SLC4A4: variants seen among roughly 807,000 people sequenced by gnomAD.
SLC4A4 encodes the protein electrogenic sodium bicarbonate cotransporter 1.
Under a neutral mutation model 111.5 loss-of-function variants are expected in SLC4A4, and 27 were observed. That is an observed-to-expected ratio of 0.24 (90% CI 0.18 to 0.33). The LOEUF is 0.33. Ranked by LOEUF, SLC4A4 falls within the 10% of genes least tolerant of loss-of-function variation. The pLI is 1.00. For missense variants in SLC4A4, 909 were observed against 1,315.5 expected (o/e 0.69, Z 4.78); for synonymous variants, 443 against 463.4 (o/e 0.96, Z 0.57).
chr4:71,544,333 G>T (rs1316429490), intron 18 of SLC4A4, among the ~76,000 whole-genome samples: 1 of 151,970 alleles, frequency 6.6e-6, no homozygotes, highest in Non-Finnish European at 1.5e-5. Flanking sequence ...GGTAGAAGAG[G>T]CTATGTTGGC....
At chr4:71,094,433 G>T (rs77835493) in intron 2 of SLC4A4, among the ~76,000 whole-genome samples, 4,899 of 92,834 alleles carry the variant, frequency 0.053, 231 homozygotes, top group African/African-American at 0.16. Context: ...TTATAAATAG[G>T]CCTCCTGCTT....
intron 3 of SLC4A4, among the ~76,000 whole-genome samples, chr4:71,270,254 A>AT (rs1301890578): frequency 6.6e-6 from 1 of 151,920 alleles, no homozygotes; most frequent in Non-Finnish European, 1.5e-5. Context: ...TGCCTGGCTA[A>AT]TTTTTTTGTA....
intron 2 of SLC4A4, among the ~76,000 whole-genome samples, chr4:71,107,065 AT>A (rs976560991): frequency 7.3e-5 from 11 of 151,248 alleles, no homozygotes; most frequent in African/African-American, 2.7e-4. Flanking sequence ...TGCATGGAAT[AT>A]TTTTTTTATC....
intron 18 of SLC4A4, among the ~76,000 whole-genome samples, chr4:71,541,997 C>T (rs1188971763): frequency 6.6e-6 from 1 of 152,066 alleles, no homozygotes; most frequent in African/African-American, 2.4e-5. Flanking sequence ...AAAGGGACAT[C>T]TTAGAAGTGG....
chr4:71,238,771 G>A (rs1362723589), intron 2 of SLC4A4, among the ~76,000 whole-genome samples: 1 of 152,002 alleles, frequency 6.6e-6, no homozygotes, highest in Non-Finnish European at 1.5e-5. Flanking sequence ...TTTTAATTTG[G>A]TGTTCTCCCA....
At chr4:71,344,232 G>A (rs1729132524) in intron 4 of SLC4A4, among the ~76,000 whole-genome samples, 1 of 152,170 alleles carries the variant, frequency 6.6e-6, no homozygotes, top group African/African-American at 2.4e-5. Flanking sequence ...TAGAATCAAT[G>A]AATAGAGAAA....
At chr4:71,294,928 C>A (rs970322485) in intron 3 of SLC4A4, among the ~76,000 whole-genome samples, 6 of 152,132 alleles carry the variant, frequency 3.9e-5, no homozygotes, top group Non-Finnish European at 8.8e-5. Context: ...GACAAAAATC[C>A]AATCTTACTC....
intron 1 of SLC4A4, among the ~76,000 whole-genome samples, chr4:71,090,950 T>G (rs1317334463): frequency 6.6e-6 from 1 of 152,114 alleles, no homozygotes; most frequent in Non-Finnish European, 1.5e-5. Context: ...GTTTGTTTGT[T>G]TTTCTTTTCT....
intron 16 of SLC4A4, among the ~76,000 whole-genome samples, chr4:71,499,230 T>C (rs935394555): frequency 2.4e-4 from 36 of 152,150 alleles, no homozygotes; most frequent in Middle Eastern, 3.2e-3. Flanking sequence ...AGTGGAAAAT[T>C]TGTGAAGCAC....
At chr4:71,488,704 T>C (rs745949394) in intron 15 of SLC4A4, among the ~76,000 whole-genome samples, 7 of 151,758 alleles carry the variant, frequency 4.6e-5, no homozygotes, top group Non-Finnish European at 7.4e-5. Context: ...GTTCTTAGAC[T>C]GGTGCCATTC....
At chr4:71,174,269 T>G (rs1745022613) in intron 2 of SLC4A4, among the ~76,000 whole-genome samples, 1 of 151,990 alleles carries the variant, frequency 6.6e-6, no homozygotes. Context: ...TTTTTTTTTT[T>G]TTGAGACAGA....
chr4:71,390,138 TTAA>T (rs776174387), intron 6 of SLC4A4, among the ~76,000 whole-genome samples: 4 of 152,158 alleles, frequency 2.6e-5, no homozygotes, highest in Non-Finnish European at 5.9e-5. Context: ...GGGGAAGCTC[TTAA>T]TAACCTGTTG....
chr4:71,288,156 G>C (rs75108027), intron 3 of SLC4A4, among the ~76,000 whole-genome samples: 187 of 152,266 alleles, frequency 1.2e-3, no homozygotes, highest in African/African-American at 4.1e-3. Context: ...AGGGGAGGCT[G>C]TGTCAGAAAG....
intron 3 of SLC4A4, among the ~76,000 whole-genome samples, chr4:71,291,006 G>C (rs1021973050): frequency 6.6e-6 from 1 of 152,134 alleles, no homozygotes; most frequent in Non-Finnish European, 1.5e-5. Flanking sequence ...GGAAGTGGAG[G>C]CACCAAAGAA....
chr4:71,509,384 A>G (rs773636543), intron 16 of SLC4A4, among the ~76,000 whole-genome samples: 7 of 150,810 alleles, frequency 4.6e-5, no homozygotes, highest in Non-Finnish European at 7.4e-5. Flanking sequence ...TTTAAAATTC[A>G]TGGAGTATCT....
chr4:71,399,497 CCCTT>C (rs936431970), intron 7 of SLC4A4, among the ~76,000 whole-genome samples: 17 of 141,444 alleles, frequency 1.2e-4, no homozygotes, highest in South Asian at 2.5e-4. Context: ...CTCCCTCCCT[CCCTT>C]CCTTCCTTCC....
At chr4:71,189,104 A>G (rs1282475720) in intron 1 of SLC4A4, among the ~76,000 whole-genome samples, 1 of 152,176 alleles carries the variant, frequency 6.6e-6, no homozygotes, top group Non-Finnish European at 1.5e-5. Context: ...AGTGGGGGTG[A>G]CAAGGACAAG....
At chr4:71,230,444 G>A (rs1471472152) in intron 1 of SLC4A4, among the ~76,000 whole-genome samples, 1 of 152,204 alleles carries the variant, frequency 6.6e-6, no homozygotes, top group African/African-American at 2.4e-5. Flanking sequence ...GGGCATGTGT[G>A]TAAAGAACTG....
intron 2 of SLC4A4, among the ~76,000 whole-genome samples, chr4:71,131,140 G>T (rs1276415276): frequency 6.6e-6 from 1 of 152,190 alleles, no homozygotes; most frequent in Non-Finnish European, 1.5e-5. Flanking sequence ...CACTAACAAC[G>T]GCGGATGGGA....
Sources: gnomAD v4.1 joint callset for allele counts (sites outside exome capture counted in the v4.1 genomes callset) on GRCh38, gnomAD v4.1.1 for gene constraint, MANE v1.5 for transcripts, NCBI Gene and HGNC (gene_info 2026-07-23, HGNC 2026-07-21) for gene names.